The following ARHGAP24 variants were observed in gnomAD, a reference collection of about 807,000 sequenced individuals.
ARHGAP24 encodes the protein rho GTPase-activating protein 24.
Under a neutral mutation model 76.4 loss-of-function variants are expected in ARHGAP24, and 50 were observed. That is an observed-to-expected ratio of 0.65 (90% confidence interval 0.52 to 0.83). ARHGAP24 has a LOEUF of 0.83. Among genes scored for constraint, ARHGAP24 ranks in the 40% least tolerant of loss-of-function variants. The pLI is 0.00. For missense variants in ARHGAP24, 930 were observed against 914.2 expected (o/e 1.02, Z -0.22); for synonymous variants, 345 against 323.3 (o/e 1.07, Z -0.72).
intron 3 of ARHGAP24, among the ~76,000 whole-genome samples, chr4:85,741,655 G>A (rs916847603): frequency 6.6e-6 from 1 of 152,190 alleles, no homozygotes; most frequent in African/African-American, 2.4e-5. Context: ...TTCTTTCCCT[G>A]GAGTTGGAGG....
intron 2 of ARHGAP24, among the ~76,000 whole-genome samples, chr4:85,660,396 A>G (rs551279104): frequency 1.3e-5 from 2 of 152,174 alleles, no homozygotes; most frequent in Non-Finnish European, 2.9e-5. Flanking sequence ...GTATAACAAA[A>G]CAGAGTGATT....
chr4:85,486,669 A>G (rs978097317), intron 1 of ARHGAP24, among the ~76,000 whole-genome samples: 12 of 152,210 alleles, frequency 7.9e-5, no homozygotes, highest in African/African-American at 2.9e-4. Flanking sequence ...GAGCAAACAT[A>G]GCTTAAGGAC....
chr4:85,974,531 C>G (rs1365430910), intron 6 of ARHGAP24, among the ~76,000 whole-genome samples: 4 of 152,178 alleles, frequency 2.6e-5, no homozygotes, highest in Non-Finnish European at 5.9e-5. Context: ...ATGTTCTGCA[C>G]ATGCTGAAAC....
chr4:85,503,016 A>G (rs1723884041), intron 1 of ARHGAP24, among the ~76,000 whole-genome samples: 1 of 152,236 alleles, frequency 6.6e-6, no homozygotes. Flanking sequence ...GTGATGGATT[A>G]CAATTATTGA....
chr4:85,760,708 C>T (rs1256395702), intron 3 of ARHGAP24, among the ~76,000 whole-genome samples: 8 of 152,016 alleles, frequency 5.3e-5, no homozygotes, highest in African/African-American at 1.9e-4. Flanking sequence ...ACAGAAGGCC[C>T]GAAGCCAAAA....
chr4:85,833,418 C>G (rs562132795), intron 3 of ARHGAP24, among the ~76,000 whole-genome samples: 108 of 151,880 alleles, frequency 7.1e-4, no homozygotes, highest in Non-Finnish European at 9.3e-4. Flanking sequence ...TAGTTAATTT[C>G]TTTATCCTGG....
chr4:85,725,290 G>A (rs1023118875), intron 3 of ARHGAP24, among the ~76,000 whole-genome samples: 9 of 152,086 alleles, frequency 5.9e-5, no homozygotes, highest in Non-Finnish European at 1.2e-4. Context: ...TATAACATAT[G>A]GTGCTAAACA....
chr4:85,909,271 A>G (rs1734935745), intron 3 of ARHGAP24, among the ~76,000 whole-genome samples: 2 of 151,936 alleles, frequency 1.3e-5, no homozygotes. Context: ...TTCAGTAAAT[A>G]ACTGGATTTA....
chr4:85,987,281 G>C (rs1740059068), intron 8 of ARHGAP24, among the ~76,000 whole-genome samples: 1 of 151,994 alleles, frequency 6.6e-6, no homozygotes, highest in Admixed American at 6.6e-5. Context: ...TAAAAATTAA[G>C]CTTATTAACA....
chr4:85,769,587 T>G (rs1727054027), intron 3 of ARHGAP24, among the ~76,000 whole-genome samples: 1 of 152,158 alleles, frequency 6.6e-6, no homozygotes, highest in Non-Finnish European at 1.5e-5. Flanking sequence ...TCTCGATGGA[T>G]ACACAGTAAA....
At chr4:85,675,988 A>G (rs2110005730) in intron 2 of ARHGAP24, among the ~76,000 whole-genome samples, 1 of 152,298 alleles carries the variant, frequency 6.6e-6, no homozygotes, top group African/African-American at 2.4e-5. Context: ...CTGTGAGGTA[A>G]AAGTTTCCTG....
intron 2 of ARHGAP24, among the ~76,000 whole-genome samples, chr4:85,644,991 T>C (rs1269553476): frequency 2.6e-5 from 4 of 152,126 alleles, no homozygotes; most frequent in Non-Finnish European, 2.9e-5. Context: ...GTCGTGAACG[T>C]GCTCTGTTAC....
At chr4:85,550,528 T>C (rs1413779973) in intron 1 of ARHGAP24, among the ~76,000 whole-genome samples, 1 of 152,122 alleles carries the variant, frequency 6.6e-6, no homozygotes, top group East Asian at 1.9e-4. Context: ...GGCTATTAAA[T>C]CTCTTATTTG....
intron 3 of ARHGAP24, among the ~76,000 whole-genome samples, chr4:85,729,543 TC>T (rs1292449511): frequency 6.6e-6 from 1 of 152,146 alleles, no homozygotes; most frequent in Non-Finnish European, 1.5e-5. Flanking sequence ...CTGTGAAGTG[TC>T]CCTATGAGGA....
At chr4:85,478,796 C>G (rs1040461572) in intron 1 of ARHGAP24, among the ~76,000 whole-genome samples, 7 of 152,156 alleles carry the variant, frequency 4.6e-5, no homozygotes, top group Non-Finnish European at 8.8e-5. Flanking sequence ...TGGCTCACTT[C>G]CAGTGGAACT....
intron 2 of ARHGAP24, among the ~76,000 whole-genome samples, chr4:85,671,020 G>A (rs1042435218): frequency 2.0e-5 from 3 of 152,140 alleles, no homozygotes; most frequent in African/African-American, 7.2e-5. Flanking sequence ...ACTCAATTGA[G>A]CACAACTGAC....
At chr4:85,620,946 T>G (rs1330582343) in intron 2 of ARHGAP24, among the ~76,000 whole-genome samples, 1 of 152,038 alleles carries the variant, frequency 6.6e-6, no homozygotes, top group African/African-American at 2.4e-5. Context: ...TTTCTCCTTT[T>G]GGAGTCCCTA....
chr4:85,487,661 T>G (rs1306660246), intron 1 of ARHGAP24, among the ~76,000 whole-genome samples: 1 of 106,854 alleles, frequency 9.4e-6, no homozygotes, highest in Non-Finnish European at 1.7e-5. Flanking sequence ...TATTACATAT[T>G]ATATAAACAT....
intron 3 of ARHGAP24, among the ~76,000 whole-genome samples, chr4:85,855,346 G>A (rs1267245031): frequency 6.6e-6 from 1 of 152,138 alleles, no homozygotes; most frequent in Non-Finnish European, 1.5e-5. Context: ...AGGAAAAAGT[G>A]GAGAGTGAAA....
Sources: allele counts gnomAD v4.1 joint callset (sites outside exome capture counted in the v4.1 genomes callset), GRCh38; gene constraint gnomAD v4.1.1; transcripts MANE v1.5; gene names NCBI Gene and HGNC (gene_info 2026-07-23, HGNC 2026-07-21).